The following PI4KA variants were observed in gnomAD, a reference collection of about 807,000 sequenced individuals.
PI4KA encodes phosphatidylinositol 4-kinase alpha.
Under a neutral mutation model 271.4 loss-of-function variants are expected in PI4KA, and 122 were observed. The observed-to-expected ratio is 0.45, with a 90% CI of 0.39 to 0.52. The LOEUF is 0.52. PI4KA is among the 20% of genes least tolerant of loss of function. The pLI is 0.00. For synonymous variants in PI4KA, 1,041 were observed against 1,078.8 expected, an observed-to-expected ratio of 0.96 and a Z score of 0.69; for missense variants, 1,969 against 2,769.1, an observed-to-expected ratio of 0.71 and a Z score of 6.48.
At chr22:20,834,931 G>T (rs1601594732) in intron 2 of PI4KA, among the ~76,000 whole-genome samples, 1 of 152,196 alleles carries the variant, frequency 6.6e-6, no homozygotes, top group South Asian at 2.1e-4. Context: ...GCCTGCTCAG[G>T]CCTCTTCTGG....
intron 17 of PI4KA, among the ~76,000 whole-genome samples, chr22:20,798,204 C>T (rs1003955411): frequency 2.6e-5 from 4 of 152,148 alleles, no homozygotes; most frequent in Non-Finnish European, 4.4e-5. Flanking sequence ...ACCCTAACAT[C>T]CAAGCTAGAG....
chr22:20,786,861 T>G, intron 19 of PI4KA: 1 of 1,614,116 alleles, frequency 6.2e-7, no homozygotes. Context: ...CTGACAACTT[T>G]CCTTTCCAAA....
intron 13 of PI4KA, 147 bp from the exon 14 acceptor site, chr22:20,802,252 G>A (rs1935376316): frequency 1.6e-6 from 1 of 637,720 alleles, no homozygotes; most frequent in Admixed American, 3.0e-5. Flanking sequence ...ATTTCAGAAA[G>A]AGAAGAGTCT....
rs372381029 is a variant in PI4KA, at chr22:20,721,452, C to G, written c.4996-34G>C. Reference sequence around the variant, plus strand: ...GAGCAAGGTCCCTGTCAGCCAGGCTCGGCCCTCTCCATGAGGAGGGCCTTG... The same window carrying G: ...GAGCAAGGTCCCTGTCAGCCAGGCTGGGCCCTCTCCATGAGGAGGGCCTTG... On this transcript the variant is annotated intron_variant, in intron 42 of 54. Coordinates refer to ENST00000255882, the MANE Select transcript of PI4KA (RefSeq NM_058004.4). The G allele has an allele frequency of 3.1e-6, 5 of 1,610,256 alleles. No individual in the cohort carries two copies. In the Admixed American group the frequency reaches 8.3e-5, roughly 27 times the overall value.
At chr22:20,806,972 T>A (rs1935688679) in intron 10 of PI4KA, among the ~76,000 whole-genome samples, 1 of 152,108 alleles carries the variant, frequency 6.6e-6, no homozygotes, top group Admixed American at 6.5e-5. Context: ...TGACCTTAAG[T>A]GATCAGCCCA....
At chr22:20,715,974 T>C (rs1925949736) in intron 45 of PI4KA, among the ~76,000 whole-genome samples, 1 of 152,118 alleles carries the variant, frequency 6.6e-6, no homozygotes, top group Admixed American at 6.5e-5. Flanking sequence ...CACTGCAACC[T>C]CCACCTCCTG....
In PI4KA at chr22:20,733,842, G is replaced by A. The variant is rs1415661027; in HGVS notation, c.4054C>T (p.Leu1352=). ...HVAAIGPRFK[L]LTLGLSLLHA... Reference sequence around the variant, plus strand: ...AGGAGGGACAGCCCCAGGGTCAGCAGCCTGTGAGGGAGCCCCGGACCCAGT... The same window carrying A: ...AGGAGGGACAGCCCCAGGGTCAGCAACCTGTGAGGGAGCCCCGGACCCAGT... Residue 1352 remains leucine (L), a splice_region_variant and synonymous_variant, in exon 35 of 55, where the codon CTG becomes TTG. Coordinates refer to ENST00000255882, the MANE Select transcript of PI4KA (RefSeq NM_058004.4). The A allele has an allele frequency of 1.9e-6, 3 of 1,612,116 alleles. No individual in the cohort carries two copies. Among genetic ancestry groups the A allele is most frequent in the East Asian group, 2.2e-5 (1 of 44,886 alleles).
At chr22:20,734,010 G>A (rs1159687733) in intron 34 of PI4KA, 33 bp downstream of exon 34, 5 of 1,548,076 alleles carry the variant, frequency 3.2e-6, no homozygotes, top group Admixed American at 2.0e-5. Flanking sequence ...TACACACCAG[G>A]GGCCCTGTGC....
Position 20,810,955 on chromosome 22 carries a change from G to A in PI4KA, c.1071+12C>T. Reference sequence around the variant, plus strand: ...GGCTGATCTCATGGTAATGCCCTCAGAAGCGACATACCTCCATCACACTGG... The same window carrying A: ...GGCTGATCTCATGGTAATGCCCTCAAAAGCGACATACCTCCATCACACTGG... On this transcript the variant is annotated intron_variant, in intron 9 of 54. Coordinates refer to ENST00000255882, the MANE Select transcript of PI4KA (RefSeq NM_058004.4). 3.1e-6 allele frequency: 5 copies of A among 1,604,052 alleles called. No homozygotes were observed. Among genetic ancestry groups the A allele is most frequent in the Non-Finnish European group, 4.3e-6 (5 of 1,170,856 alleles).
At chr22:20,764,971 G>A (rs767790282) in intron 21 of PI4KA, 21 bp from the exon 22 acceptor site, 32 of 1,596,436 alleles carry the variant, frequency 2.0e-5, no homozygotes, top group African/African-American at 2.7e-5. Context: ...AGAAACATCC[G>A]AGGGCTCATG....
At chr22:20,742,513 C>T in intron 31 of PI4KA, 95 bp downstream of exon 31, 1 of 1,557,386 alleles carries the variant, frequency 6.4e-7, no homozygotes, top group South Asian at 1.2e-5. Context: ...AGCTCCTGCT[C>T]TTTCTCCGGC....
chr22:20,846,751 G>A (rs1223724645), intron 1 of PI4KA, among the ~76,000 whole-genome samples: 1 of 143,214 alleles, frequency 7.0e-6, no homozygotes, highest in Non-Finnish European at 1.5e-5. Context: ...GCTGAGGCAA[G>A]AGAATCACTA....
intron 7 of PI4KA, among the ~76,000 whole-genome samples, chr22:20,817,665 T>C (rs1252677448): frequency 8.4e-6 from 1 of 118,852 alleles, no homozygotes; most frequent in Non-Finnish European, 1.6e-5. Context: ...GCCCAGAAGG[T>C]TGAAGCTGCG....
In PI4KA at chr22:20,765,577, C is replaced by A; in HGVS notation, c.2437+8G>T. The A allele has an allele frequency of 6.4e-7, 1 of 1,557,428 alleles. No individual in the cohort carries two copies. Among genetic ancestry groups the A allele is most frequent in the South Asian group, 1.1e-5 (1 of 89,960 alleles). On this transcript the variant is annotated splice_region_variant and intron_variant, in intron 20 of 54. Coordinates refer to ENST00000255882, the MANE Select transcript of PI4KA (RefSeq NM_058004.4). ...CCGTCTTCACTGGGAGAGAGATGAT[C>A]CCCCTACCTGAGCCCTCCACAGCGA...
At chr22:20,803,995 G>A (rs1032343648) in intron 12 of PI4KA, among the ~76,000 whole-genome samples, 2 of 152,192 alleles carry the variant, frequency 1.3e-5, no homozygotes, top group Non-Finnish European at 2.9e-5. Context: ...CCCTTGCGTG[G>A]CCCCATGGCA....
At position 20,729,404 on chromosome 22, in the gene PI4KA, T is replaced by TA. The variant is rs1927741482; in HGVS notation, c.4590dup (p.Lys1531Ter). The TA allele has an allele frequency of 1.2e-6, 2 of 1,613,920 alleles. No homozygotes were observed. The highest frequency in any genetic ancestry group is 2.2e-5 in the East Asian group (1 of 44,888). On this transcript the variant is annotated frameshift_variant, in exon 39 of 55. Transcript: ENST00000255882. LOFTEE classifies it high-confidence loss of function. ...TGCTTCTCACTCAGGCTGATGTACT[T>TA]AGATCTCCAGTTGGCCACGCTGTTC...
Position 20,772,868 on chromosome 22 carries a change from TC to T in PI4KA, c.2329-7176del, listed in dbSNP as rs772651634. Among the ~76,000 whole-genome samples, 30 of 152,290 alleles carry T rather than the reference TC, an allele frequency of 2.0e-4. 1 individual carries two copies. The highest frequency in any genetic ancestry group is 3.3e-4 in the Admixed American group (5 of 15,302). ...ACTTTGCAAGGCTGAAGCAGGAGGA[TC>T]ACTTGAGCCCAAGAGTTCAAGACCA... On this transcript the variant is annotated intron_variant, in intron 19 of 54. Coordinates refer to ENST00000255882, the MANE Select transcript of PI4KA (RefSeq NM_058004.4).
chr22:20,815,281 T>C (rs1310759960), intron 7 of PI4KA, among the ~76,000 whole-genome samples: 1 of 147,742 alleles, frequency 6.8e-6, no homozygotes, highest in Non-Finnish European at 1.5e-5. Context: ...CTTGGGAGGC[T>C]GAGGCAGGAA....
rs148092101 is a variant in PI4KA, at chr22:20,733,810, G to A, written c.4086C>T (p.Ala1362=). 1.3e-4 allele frequency: 213 copies of A among 1,612,288 alleles called. No individual in the cohort carries two copies. The highest frequency in any genetic ancestry group is 2.1e-4 in the Middle Eastern group (1 of 4,792). ...GGATGGTTGCATTTGGAACCACATC[G>A]GCATGCAGGAGGGACAGCCCCAGGG... ...LLTLGLSLLH[A]DVVPNATIRN... Residue 1362 remains alanine, a synonymous_variant, in exon 35 of 55, where the codon GCC becomes GCT. Coordinates refer to ENST00000255882, the MANE Select transcript of PI4KA (RefSeq NM_058004.4).
Sources: allele counts gnomAD v4.1 joint callset (sites outside exome capture counted in the v4.1 genomes callset), GRCh38; gene constraint gnomAD v4.1.1; transcripts MANE v1.5; gene names NCBI Gene and HGNC (gene_info 2026-07-23, HGNC 2026-07-21).